The following CCDC13 variants were observed in gnomAD, a reference collection of about 807,000 sequenced individuals.
The protein encoded by CCDC13 is coiled-coil domain-containing protein 13.
A neutral mutation model predicts 87.3 loss-of-function variants in CCDC13; 70 were observed. The ratio of observed to expected loss-of-function variants is 0.80; its 90% CI spans 0.66 to 0.98. The LOEUF is 0.98. Among genes scored for constraint, CCDC13 ranks in the 50% least tolerant of loss-of-function variants. The pLI, the probability that CCDC13 is intolerant of heterozygous loss-of-function variation, is 0.00. For missense variants in CCDC13, 842 were observed against 892.0 expected (o/e 0.94, Z 0.71); for synonymous variants, 317 against 360.3 (o/e 0.88, Z 1.36).
intron 13 of CCDC13, among the ~76,000 whole-genome samples, chr3:42,717,163 T>C (rs1698448798): frequency 6.6e-6 from 1 of 152,164 alleles, no homozygotes; most frequent in Non-Finnish European, 1.5e-5. Flanking sequence ...TGGTGGCTCA[T>C]GCATGTAATC....
chr3:42,735,788 G>T lies in CCDC13; in HGVS notation c.1290C>A (p.Val430=), dbSNP rs566513960. The change falls in exon 10 of 16, where the codon GTC becomes GTA. Residue 430 remains valine, a synonymous_variant. Transcript: ENST00000310232. The part of the protein sequence containing the change: ...NSEAQRSNSL[V]AQLQAMVAER... ...CAGCTACCATGGCCTGCAGCTGGGC[G>T]ACTAGGCTGTTGCTCCGCTGAGCCT... is the stretch of plus-strand genomic sequence containing the variant. 2 of 1,614,222 alleles carry T rather than the reference G, an allele frequency of 1.2e-6. No individual in the cohort carries two copies. Among genetic ancestry groups the T allele is most frequent in the Non-Finnish European group, 1.7e-6 (2 of 1,180,028 alleles).
intron 5 of CCDC13, among the ~76,000 whole-genome samples, chr3:42,748,199 C>A (rs1452556401): frequency 6.6e-6 from 1 of 152,122 alleles, no homozygotes; most frequent in Non-Finnish European, 1.5e-5. Flanking sequence ...GACAAAGGGA[C>A]CTTCAAGGTC....
In CCDC13 at chr3:42,708,892, C is replaced by T. The variant is rs1698235623; in HGVS notation, c.*88G>A. On this transcript the variant is annotated 3_prime_UTR_variant, in exon 16 of 16. Coordinates refer to ENST00000310232, the MANE Select transcript of CCDC13 (RefSeq NM_144719.4). ...TGAGCTGGCTGCCCTGGGCTGGCTTCCCGGAGCAGATGGAGTCCTCAGACA... is the reference window on the plus strand; with the variant it reads ...TGAGCTGGCTGCCCTGGGCTGGCTTTCCGGAGCAGATGGAGTCCTCAGACA... 3.5e-6 allele frequency: 5 copies of T among 1,412,484 alleles called. No individual in the cohort carries two copies. The highest frequency in any genetic ancestry group is 2.9e-5 in the South Asian group (2 of 68,086). The allele number at this position is 1,412,484 out of a possible 1,614,324, so 87.5% of individuals were successfully genotyped here.
chr3:42,770,099 G>T (rs1404065292), intron 1 of CCDC13, among the ~76,000 whole-genome samples: 5 of 152,248 alleles, frequency 3.3e-5, no homozygotes, highest in Admixed American at 6.5e-5. Context: ...CCTGGTGCAG[G>T]ATCCACTGGG....
At chr3:42,761,635 A>C (rs1030549919) in intron 1 of CCDC13, among the ~76,000 whole-genome samples, 6 of 152,188 alleles carry the variant, frequency 3.9e-5, no homozygotes, top group Non-Finnish European at 8.8e-5. Flanking sequence ...CTGAGGGACA[A>C]GTTTCTCTAA....
intron 3 of CCDC13, among the ~76,000 whole-genome samples, chr3:42,754,962 T>G (rs1372819643): frequency 1.3e-5 from 2 of 152,158 alleles, no homozygotes; most frequent in Non-Finnish European, 2.9e-5. Flanking sequence ...CTAAATAGAA[T>G]AGTTTTCCCT....
At chr3:42,738,792 G>C (rs1330566227) in intron 9 of CCDC13, among the ~76,000 whole-genome samples, 1 of 152,154 alleles carries the variant, frequency 6.6e-6, no homozygotes, top group Non-Finnish European at 1.5e-5. Flanking sequence ...TTGCTTATCA[G>C]CTTAAGGAGA....
intron 1 of CCDC13, among the ~76,000 whole-genome samples, chr3:42,759,286 G>A (rs339676): frequency 0.49 from 74,502 of 150,738 alleles, 18,966 homozygotes; most frequent in East Asian, 0.81. Context: ...TCCATTGTGA[G>A]TAACAGTGAG....
At chr3:42,741,808 C>T (rs1189371388) in intron 8 of CCDC13, among the ~76,000 whole-genome samples, 6 of 152,216 alleles carry the variant, frequency 3.9e-5, no homozygotes, top group Non-Finnish European at 8.8e-5. Context: ...GGCTGGCATA[C>T]AAAGCCCAGC....
rs567080934 is a variant in CCDC13, at chr3:42,764,529, T to C, written c.-6-6178A>G. On this transcript the variant is annotated intron_variant, in intron 1 of 15. Coordinates refer to ENST00000310232, the MANE Select transcript of CCDC13 (RefSeq NM_144719.4). ...CACTGTCCCTGCCACCTCCAGATGC[T>C]GCAGCTGGCACATCAGCTGCCCATT... 2.6e-5 allele frequency among the ~76,000 whole-genome samples: 4 copies of C among 152,390 alleles called. No individual in the cohort carries two copies. In the South Asian group the frequency reaches 8.3e-4, roughly 32 times the overall value.
chr3:42,728,385 A>G (rs1698739414), intron 13 of CCDC13, among the ~76,000 whole-genome samples: 1 of 152,120 alleles, frequency 6.6e-6, no homozygotes, highest in African/African-American at 2.4e-5. Flanking sequence ...AGGCAGAGAA[A>G]GACTCCCCCC....
chr3:42,731,122 G>A (rs188144645), intron 12 of CCDC13, among the ~76,000 whole-genome samples: 10 of 152,254 alleles, frequency 6.6e-5, no homozygotes, highest in Non-Finnish European at 1.2e-4. Flanking sequence ...CTTACCTGCT[G>A]GCTGGAGCCA....
intron 5 of CCDC13, 32 bp downstream of exon 5, chr3:42,751,904 A>G (rs983680436): frequency 3.8e-6 from 6 of 1,597,942 alleles, no homozygotes; most frequent in Non-Finnish European, 4.3e-6. Context: ...TGGCTGCCTC[A>G]CAGACTTCCC....
intron 6 of CCDC13, chr3:42,747,019 G>T (rs339683): frequency 0.79 from 490,181 of 618,066 alleles, 196,473 homozygotes; most frequent in East Asian, 1. Context: ...CACAAGGGCA[G>T]GTATGCTGCG....
chr3:42,735,681 T>G, intron 10 of CCDC13, 26 bp downstream of exon 10: 1 of 1,609,934 alleles, frequency 6.2e-7, no homozygotes, highest in Non-Finnish European at 8.5e-7. Context: ...GAAAATGGGT[T>G]TGGGCGCTGC....
At chr3:42,757,029 T>C in intron 3 of CCDC13, 37 bp downstream of exon 3, 2 of 1,600,546 alleles carry the variant, frequency 1.2e-6, no homozygotes, top group Non-Finnish European at 1.7e-6. Flanking sequence ...GTCCCTGGAC[T>C]GCAGGGCAAG....
At chr3:42,744,587 C>T (rs547290535) in intron 7 of CCDC13, among the ~76,000 whole-genome samples, 109 of 152,164 alleles carry the variant, frequency 7.2e-4, no homozygotes, top group Admixed American at 1.3e-3. Flanking sequence ...GGGCGGATCA[C>T]GAGGTCAGGA....
At chr3:42,764,900 C>T (rs1031981738) in intron 1 of CCDC13, among the ~76,000 whole-genome samples, 2 of 152,220 alleles carry the variant, frequency 1.3e-5, no homozygotes, top group African/African-American at 4.8e-5. Context: ...TACAAAGAGA[C>T]CTCTTAAGGG....
intron 3 of CCDC13, among the ~76,000 whole-genome samples, chr3:42,753,176 G>A (rs961971472): frequency 6.6e-6 from 1 of 152,178 alleles, no homozygotes; most frequent in Non-Finnish European, 1.5e-5. Flanking sequence ...GGCTTGAAAA[G>A]CACTCGTGCA....
Sources: allele counts gnomAD v4.1 joint callset (sites outside exome capture counted in the v4.1 genomes callset), GRCh38; gene constraint gnomAD v4.1.1; transcripts MANE v1.5; gene names NCBI Gene and HGNC (gene_info 2026-07-23, HGNC 2026-07-21).